The following SUCLG2 variants were observed in gnomAD, a reference collection of about 807,000 sequenced individuals.
SUCLG2 encodes succinate--CoA ligase [GDP-forming] subunit beta, mitochondrial.
SUCLG2 carries 42 observed loss-of-function variants against 47.9 expected under a neutral mutation model. The ratio of observed to expected loss-of-function variants is 0.88; its 90% confidence interval spans 0.69 to 1.14. The LOEUF is 1.14. Among genes scored for constraint, SUCLG2 ranks in the 50% most tolerant of loss-of-function variants. The pLI is 0.00. For synonymous variants in SUCLG2, 195 were observed against 197.3 expected, an observed-to-expected ratio of 0.99 and a Z score of 0.10; for missense variants, 571 against 525.9, an observed-to-expected ratio of 1.09 and a Z score of -0.84.
At chr3:67,466,035 C>G (rs960407988) in intron 9 of SUCLG2, among the ~76,000 whole-genome samples, 4 of 152,122 alleles carry the variant, frequency 2.6e-5, no homozygotes, top group African/African-American at 4.8e-5. Context: ...ACAGCCCTTA[C>G]GTTGTATCTG....
intron 6 of SUCLG2, among the ~76,000 whole-genome samples, chr3:67,518,005 A>G (rs1312898524): frequency 1.3e-5 from 2 of 152,210 alleles, no homozygotes; most frequent in East Asian, 3.9e-4. Flanking sequence ...CATGAAGTGT[A>G]TGTGTCCACA....
chr3:67,598,595 G>A (rs1054395849), intron 2 of SUCLG2, among the ~76,000 whole-genome samples: 7 of 152,120 alleles, frequency 4.6e-5, no homozygotes, highest in Non-Finnish European at 7.3e-5. Flanking sequence ...GAAAAGTATC[G>A]TGTGAAAGGT....
chr3:67,373,889 G>A (rs1052712052), downstream of SUCLG2, among the ~76,000 whole-genome samples: 7 of 152,078 alleles, frequency 4.6e-5, no homozygotes, highest in Middle Eastern at 3.2e-3. Context: ...GCTACGCTAA[G>A]GATGCAAAAA....
chr3:67,531,223 C>A (rs1456011057), intron 2 of SUCLG2, among the ~76,000 whole-genome samples: 1 of 152,166 alleles, frequency 6.6e-6, no homozygotes, highest in Non-Finnish European at 1.5e-5. Context: ...TCCTGTTTTT[C>A]TTTGGAAGAC....
At chr3:67,416,987 A>G (rs1443264390) in intron 9 of SUCLG2, among the ~76,000 whole-genome samples, 1 of 152,180 alleles carries the variant, frequency 6.6e-6, no homozygotes, top group East Asian at 1.9e-4. Context: ...CCTACCATTC[A>G]AAAGTGGAGG....
Position 67,603,144 on chromosome 3 carries a change from T to C in SUCLG2, c.226+6311A>G, listed in dbSNP as rs1365866707. The stretch of plus-strand genomic sequence containing the variant: ...CAAAGTCAAAATAATGGGCAGCTGA[T>C]ATGTTGGTAAAAGGAAAACTTACTT... On this transcript the variant is annotated intron_variant, in intron 2 of 10. Transcript: ENST00000307227. 2.0e-5 allele frequency among the ~76,000 whole-genome samples: 3 copies of C among 152,334 alleles called. No homozygotes were observed. The East Asian group carries it at 5.8e-4, about 29-fold the overall frequency.
At chr3:67,366,615 G>C (rs1320712383) in intron 10 of SUCLG2, among the ~76,000 whole-genome samples, 1 of 152,164 alleles carries the variant, frequency 6.6e-6, no homozygotes, top group Non-Finnish European at 1.5e-5. Context: ...CAGTGGTCCT[G>C]AAGAGGTTTG....
intron 10 of SUCLG2, among the ~76,000 whole-genome samples, chr3:67,362,629 A>C (rs920384640): frequency 3.5e-4 from 53 of 152,164 alleles, no homozygotes; most frequent in Non-Finnish European, 4.3e-4. Context: ...GCAGCAGATA[A>C]TATAGTGTAT....
chr3:67,431,556 C>T (rs1161413713), intron 9 of SUCLG2, among the ~76,000 whole-genome samples: 1 of 151,996 alleles, frequency 6.6e-6, no homozygotes, highest in East Asian at 1.9e-4. Context: ...TACTATGCAG[C>T]CATAAAAAAG....
intron 2 of SUCLG2, among the ~76,000 whole-genome samples, chr3:67,580,171 G>A (rs140580137): frequency 5.5e-4 from 83 of 151,886 alleles, no homozygotes; most frequent in Admixed American, 1.6e-3. Context: ...AGAATACAAC[G>A]TAAAAATCCC....
chr3:67,650,952 A>C (rs1441365968), intron 1 of SUCLG2, among the ~76,000 whole-genome samples: 1 of 152,152 alleles, frequency 6.6e-6, no homozygotes, highest in Non-Finnish European at 1.5e-5. Flanking sequence ...ATGTACTCAT[A>C]TCTTGCCCAC....
chr3:67,597,388 G>A (rs1294050835), intron 2 of SUCLG2, among the ~76,000 whole-genome samples: 1 of 152,116 alleles, frequency 6.6e-6, no homozygotes, highest in Non-Finnish European at 1.5e-5. Context: ...TAGCCTAGAT[G>A]GAGGGTTCCT....
At chr3:67,454,609 C>G (rs1319888059) in intron 9 of SUCLG2, among the ~76,000 whole-genome samples, 1 of 152,120 alleles carries the variant, frequency 6.6e-6, no homozygotes. Flanking sequence ...TACATCATGA[C>G]ACTTCACTCC....
intron 9 of SUCLG2, among the ~76,000 whole-genome samples, chr3:67,488,713 A>T (rs758184098): frequency 2.0e-4 from 31 of 152,218 alleles, no homozygotes; most frequent in Non-Finnish European, 2.1e-4. Flanking sequence ...TAATTGTTGC[A>T]TTCAATGCTT....
At chr3:67,483,991 T>A (rs1159934626) in intron 9 of SUCLG2, among the ~76,000 whole-genome samples, 1 of 152,208 alleles carries the variant, frequency 6.6e-6, no homozygotes, top group Non-Finnish European at 1.5e-5. Flanking sequence ...TGCACTAGTG[T>A]GGGATTGGTG....
At chr3:67,615,065 A>G (rs1249622440) in intron 1 of SUCLG2, among the ~76,000 whole-genome samples, 1 of 152,156 alleles carries the variant, frequency 6.6e-6, no homozygotes, top group Non-Finnish European at 1.5e-5. Context: ...GGGAAGGGGA[A>G]AAATACAACT....
intron 9 of SUCLG2, among the ~76,000 whole-genome samples, chr3:67,494,875 G>A (rs1328715295): frequency 6.6e-6 from 1 of 152,104 alleles, no homozygotes; most frequent in African/African-American, 2.4e-5. Context: ...TTAATTGAAT[G>A]CCCACACTGC....
chr3:67,378,145 G>A (rs1178761556), intron 10 of SUCLG2, among the ~76,000 whole-genome samples: 1 of 152,212 alleles, frequency 6.6e-6, no homozygotes, highest in Non-Finnish European at 1.5e-5. Context: ...ACTAACATAT[G>A]ACTTTGTAAA....
intron 7 of SUCLG2, among the ~76,000 whole-genome samples, chr3:67,499,720 GTTTATTTA>G (rs561344998): frequency 1.5e-4 from 23 of 150,858 alleles, no homozygotes; most frequent in South Asian, 6.3e-4. Context: ...TTGTTTGTTT[GTTTATTTA>G]TTTATTTATT....
Sources: allele counts gnomAD v4.1 joint callset (sites outside exome capture counted in the v4.1 genomes callset), GRCh38; gene constraint gnomAD v4.1.1; transcripts MANE v1.5; gene names NCBI Gene and HGNC (gene_info 2026-07-23, HGNC 2026-07-21).